CNTN5: variants seen among roughly 807,000 people sequenced by gnomAD.
CNTN5 encodes contactin-5.
Under a neutral mutation model 129.1 loss-of-function variants are expected in CNTN5, and 77 were observed. The ratio of observed to expected loss-of-function variants is 0.60; its 90% CI spans 0.50 to 0.72. The LOEUF (loss-of-function observed/expected upper bound fraction) is 0.72, where lower values mean the gene tolerates loss of function less well. CNTN5 is among the 30% of genes least tolerant of loss of function. CNTN5 has a pLI of 0.00. For synonymous variants in CNTN5, 509 were observed against 465.6 expected (o/e 1.09, Z -1.20); for missense variants, 1,478 against 1,328.8 (o/e 1.11, Z -1.75).
intron 3 of CNTN5, among the ~76,000 whole-genome samples, chr11:99,647,254 A>C (rs183956538): frequency 3.7e-4 from 56 of 152,104 alleles, no homozygotes; most frequent in Non-Finnish European, 6.0e-4. Context: ...ACTCTTCTTC[A>C]TTTGGATATC....
rs112316815 is a variant in CNTN5 at position 99,368,239 on chromosome 11, T to A, written c.-71+42755T>A. Among the ~76,000 whole-genome samples the A allele has an allele frequency of 8.0e-3, 527 of 65,772 alleles. 2 individuals carry two copies. Among genetic ancestry groups the A allele is most frequent in the African/African-American group, 0.022 (505 of 23,342 alleles). 43.1% of individuals were successfully genotyped at this position (65,772 alleles called of 152,430 possible). On this transcript the variant is annotated intron_variant, in intron 2 of 24. Transcript: ENST00000524871. ...TTTAGAATAATTGTAAAAATTTAATTTTTATTAGGTTATTCTAGAGTACCC... is the reference window on the plus strand; with the variant it reads ...TTTAGAATAATTGTAAAAATTTAATATTTATTAGGTTATTCTAGAGTACCC...
intron 3 of CNTN5, among the ~76,000 whole-genome samples, chr11:99,795,498 C>T (rs1282842276): frequency 2.6e-5 from 4 of 151,828 alleles, no homozygotes; most frequent in Non-Finnish European, 5.9e-5. Flanking sequence ...AGAACTCTGC[C>T]TTAGTGAGTT....
intron 3 of CNTN5, among the ~76,000 whole-genome samples, chr11:99,697,490 G>C (rs1659454555): frequency 6.6e-6 from 1 of 151,488 alleles, no homozygotes; most frequent in African/African-American, 2.4e-5. Context: ...AAAATTTCAA[G>C]ATACTCTACA....
At chr11:99,577,791 T>C (rs930771144) in intron 3 of CNTN5, among the ~76,000 whole-genome samples, 3 of 150,420 alleles carry the variant, frequency 2.0e-5, no homozygotes, top group Non-Finnish European at 4.4e-5. Context: ...TGCAGATCTT[T>C]ATAGTGAGGA....
At position 100,045,942 on chromosome 11, in the gene CNTN5, T is replaced by C. The variant is rs185311180; in HGVS notation, c.981-15270T>C. On this transcript the variant is annotated intron_variant, in intron 9 of 24. Coordinates refer to ENST00000524871, the MANE Select transcript of CNTN5 (RefSeq NM_014361.4). ...AGACATCAAACACTTTTTTTCCTGT[T>C]ATTAACATCTTTTATTTTATTTTAT... Among the ~76,000 whole-genome samples the C allele has an allele frequency of 1.2e-4, 19 of 152,254 alleles. No individual in the cohort carries two copies. In the East Asian group the frequency reaches 3.1e-3, roughly 25 times the overall value.
rs773498227 is a variant in CNTN5 at position 100,271,092 on chromosome 11, T to A, written c.2165T>A (p.Val722Asp). The change falls in exon 18 of 25, where the codon GTC becomes GAC. Residue 722 changes from valine (V) to aspartate (D), a missense_variant and splice_region_variant. By Grantham distance (152) the Val-to-Asp change is radical. Transcript: ENST00000524871. ...CATGAAATTTCCTTCCTTTCTATAG[T>A]CCCAGAAATCATAACAGGGGACATG... is the stretch of plus-strand genomic sequence containing the variant. ...FSLGWQTVKT[V>D]PEIITGDMES... The A allele has an allele frequency of 6.3e-7, 1 of 1,596,920 alleles. No individual in the cohort carries two copies. Among genetic ancestry groups the A allele is most frequent in the Non-Finnish European group, 8.5e-7 (1 of 1,174,598 alleles).
chr11:99,114,079 T>G (rs913305884), intron 1 of CNTN5, among the ~76,000 whole-genome samples: 1 of 152,168 alleles, frequency 6.6e-6, no homozygotes, highest in African/African-American at 2.4e-5. Context: ...TACTTATTGT[T>G]TATCTGTACA....
chr11:99,855,346 G>A (rs2135741224), intron 6 of CNTN5, among the ~76,000 whole-genome samples: 1 of 152,222 alleles, frequency 6.6e-6, no homozygotes, highest in South Asian at 2.1e-4. Context: ...AAAACTTTGG[G>A]TTTTGAGACC....
intron 15 of CNTN5, among the ~76,000 whole-genome samples, chr11:100,215,613 C>A (rs542547997): frequency 3.3e-5 from 5 of 152,066 alleles, no homozygotes; most frequent in African/African-American, 9.6e-5. Context: ...TTTAAATACC[C>A]CATAATGCAA....
chr11:99,369,785 G>A (rs1017638511), intron 2 of CNTN5, among the ~76,000 whole-genome samples: 2 of 152,000 alleles, frequency 1.3e-5, no homozygotes, highest in African/African-American at 4.8e-5. Context: ...TATCTGCCAG[G>A]CAGTATGCTA....
At chr11:100,222,638 A>G (rs1185245953) in intron 15 of CNTN5, among the ~76,000 whole-genome samples, 1 of 151,982 alleles carries the variant, frequency 6.6e-6, no homozygotes, top group East Asian at 1.9e-4. Flanking sequence ...TTGTGATATT[A>G]AAAAACAAGC....
intron 3 of CNTN5, among the ~76,000 whole-genome samples, chr11:99,800,741 A>G (rs1050253055): frequency 6.6e-6 from 1 of 152,136 alleles, no homozygotes; most frequent in South Asian, 2.1e-4. Context: ...TGTAAAAATA[A>G]TGTTTCTTTT....
At chr11:99,026,529 A>T (rs1421837348) in intron 1 of CNTN5, among the ~76,000 whole-genome samples, 1 of 151,574 alleles carries the variant, frequency 6.6e-6, no homozygotes, top group African/African-American at 2.4e-5. Context: ...GAGCTGGTGA[A>T]TGAGAGTTCA....
At chr11:99,644,793 A>G (rs1461734967) in intron 3 of CNTN5, among the ~76,000 whole-genome samples, 5 of 152,122 alleles carry the variant, frequency 3.3e-5, no homozygotes, top group Non-Finnish European at 5.9e-5. Flanking sequence ...TTTTATTCTG[A>G]TACTCAAAGA....
chr11:100,014,486 C>A (rs1194280623), intron 9 of CNTN5, among the ~76,000 whole-genome samples: 2 of 152,086 alleles, frequency 1.3e-5, no homozygotes, highest in African/African-American at 2.4e-5. Flanking sequence ...GAGGCTGAGG[C>A]AAGAGAATCG....
At chr11:99,932,196 A>T (rs1375770770) in intron 7 of CNTN5, among the ~76,000 whole-genome samples, 2 of 151,656 alleles carry the variant, frequency 1.3e-5, no homozygotes, top group Non-Finnish European at 2.9e-5. Flanking sequence ...ATTTTATTTT[A>T]TTTTATTTTT....
chr11:100,024,590 A>T (rs1941316966), intron 9 of CNTN5, among the ~76,000 whole-genome samples: 1 of 152,178 alleles, frequency 6.6e-6, no homozygotes, highest in Non-Finnish European at 1.5e-5. Context: ...TTTGACGAAA[A>T]TGCTGATAGT....
intron 1 of CNTN5, among the ~76,000 whole-genome samples, chr11:99,066,774 T>C (rs1365059421): frequency 6.6e-6 from 1 of 152,116 alleles, no homozygotes. Flanking sequence ...GAGGCTACAC[T>C]TCCTACTCAC....
chr11:99,452,390 T>TGG (rs1213633274), intron 2 of CNTN5, among the ~76,000 whole-genome samples: 3 of 139,956 alleles, frequency 2.1e-5, no homozygotes, highest in East Asian at 2.1e-4. Context: ...TTTTTTTTTT[T>TGG]GGGACGGAGT....
Sources: gnomAD v4.1 joint callset for allele counts (sites outside exome capture counted in the v4.1 genomes callset) on GRCh38, gnomAD v4.1.1 for gene constraint, MANE v1.5 for transcripts, NCBI Gene and HGNC (gene_info 2026-07-23, HGNC 2026-07-21) for gene names.